ARHGAP44: variants seen among roughly 807,000 people sequenced by gnomAD.
The protein encoded by ARHGAP44 is rho GTPase-activating protein 44.
In ARHGAP44, 43 loss-of-function variants were observed where a neutral mutation model predicts 106.8. The ratio of observed to expected loss-of-function variants is 0.40; its 90% CI spans 0.32 to 0.52. The LOEUF (loss-of-function observed/expected upper bound fraction) is 0.52, where lower values mean the gene tolerates loss of function less well. Among genes scored for constraint, ARHGAP44 ranks in the 20% least tolerant of loss-of-function variants. The pLI is 0.48. For synonymous variants in ARHGAP44, 439 were observed against 410.3 expected, an observed-to-expected ratio of 1.07 and a Z score of -0.85; for missense variants, 866 against 1,050.5, an observed-to-expected ratio of 0.82 and a Z score of 2.43.
At chr17:12,869,271 A>G (rs1256365501) in intron 1 of ARHGAP44, among the ~76,000 whole-genome samples, 1 of 152,174 alleles carries the variant, frequency 6.6e-6, no homozygotes, top group Non-Finnish European at 1.5e-5. Context: ...ACATTTGGAG[A>G]GAATCTAAAA....
At chr17:12,971,580 C>T (rs2039528455) in intron 16 of ARHGAP44, among the ~76,000 whole-genome samples, 1 of 152,156 alleles carries the variant, frequency 6.6e-6, no homozygotes, top group Non-Finnish European at 1.5e-5. Context: ...GACCACAGTT[C>T]GATGATCTTC....
At chr17:12,892,275 C>G (rs1407808758) in intron 1 of ARHGAP44, among the ~76,000 whole-genome samples, 2 of 152,110 alleles carry the variant, frequency 1.3e-5, no homozygotes, top group Non-Finnish European at 2.9e-5. Flanking sequence ...GTGCCACTTT[C>G]TTTTAGTCTC....
At position 12,926,498 on chromosome 17, in the gene ARHGAP44, TG is replaced by T. The variant is rs1567691235; in HGVS notation, c.465-2430del. 2.1e-3 allele frequency among the ~76,000 whole-genome samples: 300 copies of T among 143,924 alleles called. 7 individuals are homozygous for T. In the East Asian group the frequency reaches 0.038, roughly 18 times the overall value. The allele number at this position is 143,924 out of a possible 152,430, so 94.4% of individuals were successfully genotyped here. A position where few individuals can be genotyped will look rare whatever the true frequency, so the allele number is the denominator to read the frequency against. ...ATAATATATATGTATGTATAATATA[TG>T]TATATATATTATATATGCATATATA... is the stretch of plus-strand genomic sequence containing the variant. On this transcript the variant is annotated intron_variant, in intron 6 of 20. Transcript: ENST00000379672.
chr17:12,911,111 G>C (rs1389958135), intron 4 of ARHGAP44, among the ~76,000 whole-genome samples: 4 of 150,632 alleles, frequency 2.7e-5, no homozygotes, highest in African/African-American at 9.8e-5. Flanking sequence ...AGCAATCATT[G>C]CATATATCTC....
chr17:12,822,987 C>T (rs529018472), intron 1 of ARHGAP44, among the ~76,000 whole-genome samples: 4 of 152,204 alleles, frequency 2.6e-5, no homozygotes, highest in South Asian at 4.1e-4. Flanking sequence ...TGCAGAGGCC[C>T]GTAACTCAGA....
rs553291563 is a variant in ARHGAP44, at chr17:12,802,960, TATATATATA to T, written c.53+13070_53+13078del. ...ATATATATATATATATATATATATA[TATATATATA>T]TTTTTTTTTTTTTTTTTTTTTGAGG... On this transcript the variant is annotated intron_variant, in intron 1 of 20. Transcript: ENST00000379672. 8.6e-3 allele frequency among the ~76,000 whole-genome samples: 221 copies of T among 25,594 alleles called. 3 individuals carry two copies. The highest frequency in any genetic ancestry group is 0.017 in the South Asian group (8 of 468). The allele number at this position is 25,594 out of a possible 152,430, so 16.8% of individuals were successfully genotyped here.
intron 1 of ARHGAP44, among the ~76,000 whole-genome samples, chr17:12,876,216 C>T (rs2150891127): frequency 6.6e-6 from 1 of 152,242 alleles, no homozygotes; most frequent in East Asian, 1.9e-4. Context: ...TAGCCTTGAG[C>T]CCACCAAAAT....
intron 16 of ARHGAP44, among the ~76,000 whole-genome samples, chr17:12,971,696 G>A (rs981786502): frequency 3.9e-5 from 6 of 152,120 alleles, no homozygotes; most frequent in African/African-American, 1.4e-4. Context: ...TTTGTTTATT[G>A]GTAGAAGGTT....
intron 1 of ARHGAP44, among the ~76,000 whole-genome samples, chr17:12,810,771 G>C (rs1295837019): frequency 6.6e-6 from 1 of 152,060 alleles, no homozygotes; most frequent in East Asian, 1.9e-4. Flanking sequence ...TCTTTCACTT[G>C]GTTGTTTCTC....
Position 12,980,094 on chromosome 17 carries a change from A to G in ARHGAP44, c.1800A>G (p.Ala600=), listed in dbSNP as rs190218103. Residue 600 remains alanine (A), a synonymous_variant, in exon 19 of 21, where the codon GCA becomes GCG. Transcript: ENST00000379672. ...TKSKELSPGS[A]QKGSPGSSQG... ...GCAAGGAACTTTCTCCAGGCTCTGCACAGAAAGGAAGTCCAGGCTCCAGCC... is the reference window on the plus strand; with the variant it reads ...GCAAGGAACTTTCTCCAGGCTCTGCGCAGAAAGGAAGTCCAGGCTCCAGCC... 155 of 1,613,350 alleles carry G rather than the reference A, an allele frequency of 9.6e-5. No homozygotes were observed. The East Asian group carries it at 3.2e-3, about 33-fold the overall frequency.
rs142387837 is a variant in ARHGAP44 at position 12,950,829 on chromosome 17, T to C, written c.1055+1099T>C. Among the ~76,000 whole-genome samples the C allele has an allele frequency of 7.1e-3, 1,088 of 152,270 alleles. 7 individuals are homozygous for C. The highest frequency in any genetic ancestry group is 0.021 in the Middle Eastern group (6 of 292). Reference sequence around the variant, plus strand: ...AATGATTTCTAGAGATTTCTAGTCATAGGATTTAGTTGTTGGTGTGTTTCT... The same window carrying C: ...AATGATTTCTAGAGATTTCTAGTCACAGGATTTAGTTGTTGGTGTGTTTCT... On this transcript the variant is annotated intron_variant, in intron 12 of 20. Coordinates refer to ENST00000379672, the MANE Select transcript of ARHGAP44 (RefSeq NM_014859.6).
At chr17:12,971,782 G>C (rs558345785) in intron 16 of ARHGAP44, among the ~76,000 whole-genome samples, 13 of 152,132 alleles carry the variant, frequency 8.5e-5, no homozygotes, top group African/African-American at 3.1e-4. Flanking sequence ...CATCCCTGGT[G>C]CCTCCTTGAA....
intron 6 of ARHGAP44, among the ~76,000 whole-genome samples, chr17:12,928,160 A>C (rs2038299805): frequency 6.6e-6 from 1 of 152,204 alleles, no homozygotes; most frequent in African/African-American, 2.4e-5. Context: ...TTTTAAGAAA[A>C]CATTCATGAG....
At chr17:12,931,348 A>T (rs1226954447) in intron 7 of ARHGAP44, among the ~76,000 whole-genome samples, 4 of 152,162 alleles carry the variant, frequency 2.6e-5, no homozygotes, top group African/African-American at 9.7e-5. Context: ...CTAGGATTAC[A>T]GGTGTGTGCT....
intron 19 of ARHGAP44, among the ~76,000 whole-genome samples, chr17:12,980,481 C>T (rs56297814): frequency 0.094 from 14,261 of 152,178 alleles, 894 homozygotes; most frequent in Middle Eastern, 0.19. Context: ...CCAAATGATG[C>T]CACCAGGGCA....
At chr17:12,952,722 C>CTCT in intron 13 of ARHGAP44, 141 bp downstream of exon 13, 1 of 304,792 alleles carries the variant, frequency 3.3e-6, no homozygotes, top group East Asian at 6.1e-5. Context: ...TGCATGGTCT[C>CTCT]TTTTTTTTTT....
intron 16 of ARHGAP44, among the ~76,000 whole-genome samples, chr17:12,967,551 T>G (rs1258785973): frequency 1.3e-5 from 2 of 152,064 alleles, no homozygotes; most frequent in African/African-American, 4.8e-5. Context: ...GCTTGCCCCA[T>G]CACAATACCA....
At chr17:12,901,972 C>T (rs941640847) in intron 3 of ARHGAP44, among the ~76,000 whole-genome samples, 12 of 146,042 alleles carry the variant, frequency 8.2e-5, no homozygotes, top group Non-Finnish European at 1.8e-4. Context: ...TCTTTCTGAA[C>T]ACAGTGGCTC....
chr17:12,936,725 G>A (rs1030520994), intron 7 of ARHGAP44, among the ~76,000 whole-genome samples: 2 of 152,218 alleles, frequency 1.3e-5, no homozygotes, highest in Non-Finnish European at 2.9e-5. Context: ...ATAATTGCCT[G>A]ATCATATGGT....
Sources: gnomAD v4.1 joint callset for allele counts (sites outside exome capture counted in the v4.1 genomes callset) on GRCh38, gnomAD v4.1.1 for gene constraint, MANE v1.5 for transcripts, NCBI Gene and HGNC (gene_info 2026-07-23, HGNC 2026-07-21) for gene names.